TMEM132B: variants seen among roughly 807,000 people sequenced by gnomAD.
TMEM132B encodes transmembrane protein 132B.
A neutral mutation model predicts 90.8 loss-of-function variants in TMEM132B; 18 were observed. The observed-to-expected ratio is 0.20, with a 90% CI of 0.14 to 0.29. The LOEUF is 0.29. Among genes scored for constraint, TMEM132B ranks in the 10% least tolerant of loss-of-function variants. The pLI, the probability that TMEM132B is intolerant of heterozygous loss-of-function variation, is 1.00. For missense variants in TMEM132B, 1,096 were observed against 1,326.8 expected, an observed-to-expected ratio of 0.83 and a Z score of 2.70; for synonymous variants, 504 against 523.3, an observed-to-expected ratio of 0.96 and a Z score of 0.50.
chr12:125,418,433 G>A (rs1880082693), intron 3 of TMEM132B, among the ~76,000 whole-genome samples: 1 of 152,154 alleles, frequency 6.6e-6, no homozygotes, highest in Non-Finnish European at 1.5e-5. Context: ...GGCAGGGATT[G>A]TCACTTTGGC....
At chr12:125,491,041 G>T (rs1882337533) in intron 3 of TMEM132B, among the ~76,000 whole-genome samples, 1 of 152,076 alleles carries the variant, frequency 6.6e-6, no homozygotes, top group Non-Finnish European at 1.5e-5. Context: ...TCCAGCACCA[G>T]TCAAGCCTTT....
chr12:125,556,328 C>T (rs11058241), intron 4 of TMEM132B, among the ~76,000 whole-genome samples: 3,801 of 152,268 alleles, frequency 0.025, 126 homozygotes, highest in East Asian at 0.14. Flanking sequence ...TTTGGCTGCA[C>T]GTCAAAGACT....
chr12:125,257,336 G>C (rs997099906), intron 1 of TMEM132B, among the ~76,000 whole-genome samples: 3 of 152,196 alleles, frequency 2.0e-5, no homozygotes, highest in Non-Finnish European at 4.4e-5. Flanking sequence ...ATTTCACCTG[G>C]AGGCTCCCTG....
At chr12:125,582,190 T>C (rs1885069150) in intron 4 of TMEM132B, among the ~76,000 whole-genome samples, 1 of 151,890 alleles carries the variant, frequency 6.6e-6, no homozygotes, top group Admixed American at 6.6e-5. Context: ...TTGGGAGAGC[T>C]GAGAAAACTG....
intron 3 of TMEM132B, among the ~76,000 whole-genome samples, chr12:125,432,889 A>T (rs10846886): frequency 0.48 from 72,933 of 151,800 alleles, 20,388 homozygotes; most frequent in African/African-American, 0.77. Context: ...TTCCCAAGAG[A>T]GTTCTAGGCT....
rs1421184916 is a variant in TMEM132B at position 125,566,866 on chromosome 12, T to C, written c.1294-16985T>C. Among the ~76,000 whole-genome samples, 13 of 130,328 alleles carry C rather than the reference T, an allele frequency of 1.0e-4. No individual in the cohort carries two copies. The Admixed American group carries it at 1.1e-3, about 11-fold the overall frequency. 85.5% of individuals were successfully genotyped at this position (130,328 alleles called of 152,430 possible). A position where few individuals can be genotyped will look rare whatever the true frequency, so the allele number is the denominator to read the frequency against. On this transcript the variant is annotated intron_variant, in intron 4 of 8. Transcript: ENST00000682704. ...TTTTTTTTTTTTTTTTTTTTTTAGA[T>C]GGAGTCTTGCACTGTCGCCCATGCT...
At chr12:125,227,945 G>A (rs1336507543) in intron 1 of TMEM132B, among the ~76,000 whole-genome samples, 1 of 152,204 alleles carries the variant, frequency 6.6e-6, no homozygotes, top group Non-Finnish European at 1.5e-5. Context: ...GCAGTGTTCT[G>A]TGCCACAGCA....
chr12:125,453,258 T>C (rs1164940395), intron 3 of TMEM132B, among the ~76,000 whole-genome samples: 3 of 152,206 alleles, frequency 2.0e-5, no homozygotes, highest in Admixed American at 2.0e-4. Context: ...GTTGCCTTTT[T>C]CCATCATATC....
At chr12:125,471,708 T>C (rs1055908983) in intron 3 of TMEM132B, among the ~76,000 whole-genome samples, 1 of 152,182 alleles carries the variant, frequency 6.6e-6, no homozygotes. Context: ...ATGAACTGCC[T>C]GGAGATGGAC....
rs532090803 is a variant in TMEM132B, at chr12:125,532,022, A to G, written c.1293+12397A>G. On this transcript the variant is annotated intron_variant, in intron 4 of 8. Coordinates refer to ENST00000682704, the MANE Select transcript of TMEM132B (RefSeq NM_001366854.1). ...GGCCCCATAACTGGATTTAGCTGTT[A>G]TGCCGTTTCCTAACTTACATTAAAA... Among the ~76,000 whole-genome samples the G allele has an allele frequency of 5.2e-4, 79 of 152,358 alleles. No homozygotes were observed. In the South Asian group the frequency reaches 6.8e-3, roughly 13 times the overall value.
At chr12:125,302,727 A>G (rs991879002) in intron 1 of TMEM132B, among the ~76,000 whole-genome samples, 5 of 152,230 alleles carry the variant, frequency 3.3e-5, no homozygotes, top group African/African-American at 1.2e-4. Flanking sequence ...CAGTAGCATT[A>G]ATTGCATTCA....
chr12:125,301,890 A>AAACAAAACAAAACAG (rs1875834510), intron 1 of TMEM132B: 1 of 148,784 alleles, frequency 6.7e-6, no homozygotes, highest in African/African-American at 2.5e-5. Flanking sequence ...AAACAAAACA[A>AAACAAAACAAAACAG]AACAAAACAA....
chr12:125,226,216 C>T (rs1398214234), intron 1 of TMEM132B, among the ~76,000 whole-genome samples: 1 of 152,182 alleles, frequency 6.6e-6, no homozygotes. Context: ...GACAGAGTCA[C>T]ACAGAGTTGT....
intron 2 of TMEM132B, among the ~76,000 whole-genome samples, chr12:125,372,684 TA>T (rs1428322334): frequency 1.3e-5 from 2 of 152,076 alleles, no homozygotes; most frequent in African/African-American, 4.8e-5. Flanking sequence ...AGCTGGGAGG[TA>T]AAAAGTCCCC....
At chr12:125,332,583 C>CTTTTTTTTTTTT (rs201828438) in intron 1 of TMEM132B, among the ~76,000 whole-genome samples, 1 of 52,416 alleles carries the variant, frequency 1.9e-5, no homozygotes, top group Non-Finnish European at 3.6e-5. Context: ...AGAGAGTTGG[C>CTTTTTTTTTTTT]TTTTTTTTTT....
intron 2 of TMEM132B, among the ~76,000 whole-genome samples, chr12:125,384,220 G>A (rs1310961830): frequency 6.6e-6 from 1 of 152,112 alleles, no homozygotes. Flanking sequence ...TGGGATTACA[G>A]GCGTGAGCCA....
At chr12:125,337,230 A>G (rs2136214736) in intron 1 of TMEM132B, among the ~76,000 whole-genome samples, 1 of 152,290 alleles carries the variant, frequency 6.6e-6, no homozygotes, top group East Asian at 1.9e-4. Flanking sequence ...CTGCTGTCCA[A>G]ATCGTAAGCC....
chr12:125,432,978 G>A (rs917652854), intron 3 of TMEM132B, among the ~76,000 whole-genome samples: 11 of 152,134 alleles, frequency 7.2e-5, no homozygotes, highest in Non-Finnish European at 1.5e-4. Context: ...TGCCAATTTG[G>A]CCAAGAAAAG....
rs767292377 is a variant in TMEM132B at position 125,644,056 on chromosome 12, G to A, written c.1438-20G>A. 2.5e-6 allele frequency: 4 copies of A among 1,612,492 alleles called. No individual in the cohort carries two copies. Among genetic ancestry groups the A allele is most frequent in the African/African-American group, 1.3e-5 (1 of 74,994 alleles). On this transcript the variant is annotated intron_variant, in intron 5 of 8. Transcript: ENST00000682704. ...GCTTTTCCTACTGATGCATCTCAAG[G>A]TTCTACCTCCTTCCCAAAGGTTTCC...
Sources: allele counts gnomAD v4.1 joint callset (sites outside exome capture counted in the v4.1 genomes callset), GRCh38; gene constraint gnomAD v4.1.1; transcripts MANE v1.5; gene names NCBI Gene and HGNC (gene_info 2026-07-23, HGNC 2026-07-21).